The following IGSF11 variants were observed in gnomAD, a reference collection of about 807,000 sequenced individuals.
The protein encoded by IGSF11 is CXADR like 1.
A neutral mutation model predicts 41.0 loss-of-function variants in IGSF11; 22 were observed. The ratio of observed to expected loss-of-function variants is 0.54; its 90% CI spans 0.38 to 0.77. The LOEUF is 0.77. IGSF11 is among the 30% of genes least tolerant of loss of function. The pLI, the probability that IGSF11 is intolerant of heterozygous loss-of-function variation, is 0.00. For missense variants in IGSF11, 444 were observed against 530.8 expected, an observed-to-expected ratio of 0.84 and a Z score of 1.61; for synonymous variants, 219 against 201.3, an observed-to-expected ratio of 1.09 and a Z score of -0.74.
At chr3:119,084,289 C>A (rs1473558772) in intron 1 of IGSF11, among the ~76,000 whole-genome samples, 1 of 152,102 alleles carries the variant, frequency 6.6e-6, no homozygotes, top group Non-Finnish European at 1.5e-5. Flanking sequence ...AGCTGGGAAT[C>A]TCGTGTGGGG....
intron 1 of IGSF11, among the ~76,000 whole-genome samples, chr3:119,095,775 G>A (rs182167098): frequency 1.6e-3 from 248 of 152,300 alleles, no homozygotes; most frequent in Admixed American, 3.9e-3. Context: ...CACTTTCACA[G>A]TTAGCAAGCC....
At chr3:118,902,984 G>T in intron 6 of IGSF11, 23 bp from the exon 7 acceptor site, 1 of 1,601,790 alleles carries the variant, frequency 6.2e-7, no homozygotes, top group Non-Finnish European at 8.5e-7. Flanking sequence ...AAATAAAGTC[G>T]TTGTTAGGAT....
Position 119,101,830 on chromosome 3 carries a change from T to C in IGSF11, c.49+3314A>G, listed in dbSNP as rs991895847. ...TCTATTGACTCCACAGTATCAACAA[T>C]GATTAAATAAATTAGTCTATTTCCA... On this transcript the variant is annotated intron_variant, in intron 1 of 6. Coordinates refer to the IGSF11 transcript ENST00000354673. Among the ~76,000 whole-genome samples the C allele has an allele frequency of 3.3e-5, 5 of 152,348 alleles. 1 individual carries two copies. The highest frequency in any genetic ancestry group is 3.9e-4 in the East Asian group (2 of 5,190).
intron 4 of IGSF11, among the ~76,000 whole-genome samples, chr3:118,909,452 G>C (rs1337391059): frequency 6.6e-6 from 1 of 152,000 alleles, no homozygotes; most frequent in Admixed American, 6.6e-5. Flanking sequence ...CAAAATAAAT[G>C]TCAAAAATCT....
At chr3:119,086,908 T>C (rs188012391) in intron 1 of IGSF11, among the ~76,000 whole-genome samples, 91 of 152,200 alleles carry the variant, frequency 6.0e-4, no homozygotes, top group African/African-American at 2.0e-3. Context: ...ATAGCAATAC[T>C]AACCTTGAAC....
chr3:119,104,336 C>T (rs914864587), intron 1 of IGSF11, among the ~76,000 whole-genome samples: 2 of 152,144 alleles, frequency 1.3e-5, no homozygotes, highest in African/African-American at 2.4e-5. Flanking sequence ...TACAACATAT[C>T]GAATTTCTTT....
chr3:118,931,262 C>A (rs1380668036), intron 1 of IGSF11, among the ~76,000 whole-genome samples: 2 of 152,138 alleles, frequency 1.3e-5, no homozygotes, highest in African/African-American at 4.8e-5. Flanking sequence ...AAACCTAAAT[C>A]ATCGTAACAT....
intron 1 of IGSF11, among the ~76,000 whole-genome samples, chr3:118,999,040 G>A (rs1468444290): frequency 6.6e-6 from 1 of 151,914 alleles, no homozygotes; most frequent in Non-Finnish European, 1.5e-5. Flanking sequence ...TGTAGGAAAT[G>A]GGGGTGCACT....
chr3:119,035,499 C>G (rs1289046701), upstream of IGSF11, among the ~76,000 whole-genome samples: 1 of 152,184 alleles, frequency 6.6e-6, no homozygotes, highest in Admixed American at 6.5e-5. Flanking sequence ...CTTATGTCAA[C>G]TTCTAATATT....
At chr3:119,035,462 C>A (rs1191756661), upstream of IGSF11, among the ~76,000 whole-genome samples, 2 of 152,206 alleles carry the variant, frequency 1.3e-5, no homozygotes, top group South Asian at 4.1e-4. Flanking sequence ...AGAGAGACTG[C>A]CATCTTCTCT....
At chr3:119,076,583 C>T (rs909622881) in intron 1 of IGSF11, among the ~76,000 whole-genome samples, 1 of 152,102 alleles carries the variant, frequency 6.6e-6, no homozygotes, top group African/African-American at 2.4e-5. Flanking sequence ...CAAACAACCC[C>T]ATCAAAAAGT....
rs114872434 is a variant in IGSF11, at chr3:119,120,591, C to A, written c.-13-15386G>T. ...GGTGGTGATTGATCTACATAGGGAT[C>A]AGGGGATCAGTTTGACCAGGTGTGC... is the stretch of plus-strand genomic sequence containing the variant. On this transcript the variant is annotated intron_variant, in intron 1 of 7. Transcript: ENST00000425327. Among the ~76,000 whole-genome samples, 286 of 152,320 alleles carry A rather than the reference C, an allele frequency of 1.9e-3. 2 individuals are homozygous for A. The highest frequency in any genetic ancestry group is 6.3e-3 in the African/African-American group (261 of 41,582).
chr3:118,989,698 C>T (rs1477769691), intron 1 of IGSF11, among the ~76,000 whole-genome samples: 1 of 152,144 alleles, frequency 6.6e-6, no homozygotes, highest in Non-Finnish European at 1.5e-5. Flanking sequence ...TTGAAGCTAA[C>T]AATTTTTTAA....
intron 1 of IGSF11, among the ~76,000 whole-genome samples, chr3:119,053,053 A>G (rs964519002): frequency 2.8e-4 from 43 of 152,186 alleles, no homozygotes; most frequent in Non-Finnish European, 5.6e-4. Context: ...TGAATGGGGA[A>G]AAGTTGAAAG....
At chr3:119,116,926 A>G (rs1346882875) in intron 1 of IGSF11, among the ~76,000 whole-genome samples, 3 of 151,814 alleles carry the variant, frequency 2.0e-5, no homozygotes, top group African/African-American at 7.3e-5. Context: ...TTTGACCCCC[A>G]TGATTTCATC....
At chr3:118,992,931 A>G (rs1265315958) in intron 1 of IGSF11, among the ~76,000 whole-genome samples, 1 of 152,200 alleles carries the variant, frequency 6.6e-6, no homozygotes, top group Non-Finnish European at 1.5e-5. Flanking sequence ...AAAATTCAGC[A>G]ACAAAAATAC....
chr3:119,142,146 G>A lies in IGSF11; in HGVS notation c.-14+3667C>T, dbSNP rs546132479. 2.0e-5 allele frequency among the ~76,000 whole-genome samples: 3 copies of A among 151,900 alleles called. No homozygotes were observed. The East Asian group carries it at 5.8e-4, about 29-fold the overall frequency. Reference sequence around the variant, plus strand: ...AAAAATTAGCTGGGCATGGTGGCGGGCACCTGTAGTCCCAGCTACTCGGGA... The same window carrying A: ...AAAAATTAGCTGGGCATGGTGGCGGACACCTGTAGTCCCAGCTACTCGGGA... On this transcript the variant is annotated intron_variant, in intron 1 of 7. Transcript: ENST00000425327.
At chr3:119,072,469 A>C (rs2076415237) in intron 1 of IGSF11, among the ~76,000 whole-genome samples, 1 of 152,092 alleles carries the variant, frequency 6.6e-6, no homozygotes, top group African/African-American at 2.4e-5. Flanking sequence ...GAAGCCGCGG[A>C]CCCTCGCGGT....
At chr3:118,944,861 G>A (rs1182128170) in intron 1 of IGSF11, 1 of 152,162 alleles carries the variant, frequency 6.6e-6, no homozygotes, top group Admixed American at 6.5e-5. Context: ...GTATTTTACA[G>A]ATGAGGAAAC....
Sources: allele counts gnomAD v4.1 joint callset (sites outside exome capture counted in the v4.1 genomes callset), GRCh38; gene constraint gnomAD v4.1.1; transcripts MANE v1.5; gene names NCBI Gene and HGNC (gene_info 2026-07-23, HGNC 2026-07-21).